UMOD: variants seen among roughly 807,000 people sequenced by gnomAD.
The protein encoded by UMOD is uromodulin.
Under a neutral mutation model 66.0 loss-of-function variants are expected in UMOD, and 64 were observed. That is an observed-to-expected ratio of 0.97 (90% CI 0.79 to 1.19). The LOEUF (loss-of-function observed/expected upper bound fraction) is 1.19. Ranked by LOEUF, UMOD falls within the 50% of genes most tolerant of loss-of-function variation. The probability of loss-of-function intolerance (pLI) is 0.00; values close to 1 mark genes in which losing one functional copy is unlikely to be tolerated. For synonymous variants in UMOD, 398 were observed against 352.7 expected (o/e 1.13, Z -1.44); for missense variants, 764 against 850.9 (o/e 0.90, Z 1.27).
intron 9 of UMOD, among the ~76,000 whole-genome samples, 173 bp downstream of exon 9, chr16:20,336,473 G>A (rs138076215): frequency 6.6e-6 from 1 of 152,340 alleles, no homozygotes; most frequent in Non-Finnish European, 1.5e-5. Flanking sequence ...ATGGGTGTAT[G>A]AATGGGAATA....
chr16:20,340,280 G>C (rs1176704939), intron 7 of UMOD, among the ~76,000 whole-genome samples: 1 of 152,020 alleles, frequency 6.6e-6, no homozygotes, highest in Non-Finnish European at 1.5e-5. Context: ...GCTAAAGCTG[G>C]AGGATCGCTT....
intron 6 of UMOD, chr16:20,342,573 A>C (rs1965291872): frequency 6.6e-6 from 1 of 152,036 alleles, no homozygotes; most frequent in African/African-American, 2.4e-5. Context: ...GAGAGCAGAA[A>C]ACCATGGGCA....
chr16:20,351,203 T>C (rs1452474151), intron 1 of UMOD: 1 of 249,640 alleles, frequency 4.0e-6, no homozygotes, highest in Non-Finnish European at 7.9e-6. Context: ...GGATCACTTA[T>C]TCATTCAACA....
At chr16:20,335,329 C>T (rs1459956458) in intron 10 of UMOD, among the ~76,000 whole-genome samples, 153 bp downstream of exon 10, 1 of 152,132 alleles carries the variant, frequency 6.6e-6, no homozygotes, top group African/African-American at 2.4e-5. Context: ...TCAGTAGGAC[C>T]ACTCAGGTTC....
In UMOD at chr16:20,348,928, T is replaced by C. The variant is rs1362301926; in HGVS notation, c.373A>G (p.Thr125Ala). The C allele has an allele frequency of 6.4e-7, 1 of 1,569,698 alleles. No individual in the cohort carries two copies. The highest frequency in any genetic ancestry group is 1.2e-5 in the South Asian group (1 of 85,740). ...PGLSHCHALA[T>A]CVNVVGSYLC... ...TAGCTGCCCACCACATTGACACATG[T>C]GGCCAGGGCGTGGCAGTGGCTAAGC... is the stretch of plus-strand genomic sequence containing the variant. Residue 125 changes from threonine to alanine, a missense_variant, in exon 3 of 11, where the codon ACA becomes GCA. Physicochemically the swap from Thr to Ala is moderately conservative, Grantham distance 58. Transcript: ENST00000396138.
chr16:20,351,439 A>G (rs1184011997), intron 1 of UMOD: 1 of 159,432 alleles, frequency 6.3e-6, no homozygotes, highest in Non-Finnish European at 1.4e-5. Flanking sequence ...TGCCAGTATT[A>G]CCCCAGTGTT....
chr16:20,348,825 A>C lies in UMOD; in HGVS notation c.476T>G (p.Leu159Trp). ...ECSPGSCGPG[L>W]DCVPEGDALV... Reference sequence around the variant, plus strand: ...CGCGTCGCCCTCGGGCACGCAGTCCAACCCCGGCCCGCAGGAGCCCGGGGA... The same window carrying C: ...CGCGTCGCCCTCGGGCACGCAGTCCCACCCCGGCCCGCAGGAGCCCGGGGA... Residue 159 changes from leucine (L) to tryptophan (W), a missense_variant, in exon 3 of 11, where the codon TTG (leucine) becomes TGG (tryptophan). Coordinates refer to ENST00000396138, the MANE Select transcript of UMOD (RefSeq NM_003361.4). The C allele has an allele frequency of 6.5e-7, 1 of 1,546,638 alleles. No individual in the cohort carries two copies. The highest frequency in any genetic ancestry group is 8.7e-7 in the Non-Finnish European group (1 of 1,146,886).
At position 20,336,657 on chromosome 16, in the gene UMOD, AT is replaced by A; in HGVS notation, c.1810del (p.Ile604SerfsTer20). The A allele has an allele frequency of 6.2e-7, 1 of 1,614,004 alleles. No individual in the cohort carries two copies. Among genetic ancestry groups the A allele is most frequent in the Non-Finnish European group, 8.5e-7 (1 of 1,179,928 alleles). ...DQSRVLNLGP[I>X]TRKGVQATVS... ...AGTGGCTCTCTTACCTTTCCGTGTG[AT>A]GGGACCCAAGTTCAGGACACGGGAT... is the stretch of plus-strand genomic sequence containing the variant. On this transcript the variant is annotated frameshift_variant, in exon 9 of 11. Transcript: ENST00000396138. LOFTEE classifies it high-confidence loss of function.
At chr16:20,349,338 A>C in intron 2 of UMOD, 126 bp from the exon 3 acceptor site, 1 of 1,091,858 alleles carries the variant, frequency 9.2e-7, no homozygotes, top group Admixed American at 2.0e-5. Flanking sequence ...CTCCCTCCAA[A>C]ACAAGGAAAG....
At chr16:20,343,151 A>ATAAATAATTAAT in intron 6 of UMOD, among the ~76,000 whole-genome samples, 1 of 151,334 alleles carries the variant, frequency 6.6e-6, no homozygotes, top group Admixed American at 6.6e-5. Context: ...AAATAAATAA[A>ATAAATAATTAAT]TAAATAATCA....
At chr16:20,345,400 T>TTTCTTTCTTTCTTTCTTTCTTTC (rs1555486827) in intron 5 of UMOD, among the ~76,000 whole-genome samples, 1 of 77,956 alleles carries the variant, frequency 1.3e-5, no homozygotes, top group African/African-American at 4.3e-5. Flanking sequence ...TTTTCTTTTT[T>TTTCTTTCTTTCTTTCTTTCTTTC]TTTCTTTCTT....
intron 2 of UMOD, among the ~76,000 whole-genome samples, chr16:20,349,517 G>C (rs1391554645): frequency 9.9e-5 from 15 of 152,096 alleles, no homozygotes. Flanking sequence ...TCCAATTCCT[G>C]GGTTCAAGCG....
intron 2 of UMOD, 101 bp from the exon 3 acceptor site, chr16:20,349,313 T>C (rs544753655): frequency 7.3e-7 from 1 of 1,364,992 alleles, no homozygotes; most frequent in African/African-American, 1.4e-5. Context: ...TTTTTAAGAC[T>C]TATTCCCTAG....
chr16:20,333,060 A>G lies in UMOD; in HGVS notation c.*254T>C. ...GGATGACTTCAAAGACTGAGATTTA[A>G]AAATCATTATTTTGCCACACTCTTT... On this transcript the variant is annotated 3_prime_UTR_variant, in exon 11 of 11. Transcript: ENST00000396138. The G allele has an allele frequency of 2.1e-6, 1 of 487,362 alleles. No homozygotes were observed. Among genetic ancestry groups the G allele is most frequent in the Non-Finnish European group, 3.8e-6 (1 of 263,166 alleles). 30.2% of individuals were successfully genotyped at this position (487,362 alleles called of 1,614,324 possible).
chr16:20,337,279 G>C lies in UMOD; in HGVS notation c.1740+12C>G. The C allele has an allele frequency of 6.2e-7, 1 of 1,614,072 alleles. No individual in the cohort carries two copies. The highest frequency in any genetic ancestry group is 8.5e-7 in the Non-Finnish European group (1 of 1,179,988). ...TTACAAGAGATGGGCTGGGGGAGGGGAGTCAACTCACAGGCTTGCACTTTT... is the reference window on the plus strand; with the variant it reads ...TTACAAGAGATGGGCTGGGGGAGGGCAGTCAACTCACAGGCTTGCACTTTT... On this transcript the variant is annotated intron_variant, in intron 8 of 10. Transcript: ENST00000396138.
chr16:20,333,858 C>T (rs1414915412), intron 10 of UMOD, among the ~76,000 whole-genome samples: 1 of 152,050 alleles, frequency 6.6e-6, no homozygotes, highest in Admixed American at 6.5e-5. Flanking sequence ...CACGGAGAAA[C>T]CCCATCTCTA....
rs549394253 is a variant in UMOD, at chr16:20,339,572, G to A, written c.1577+1519C>T. Among the ~76,000 whole-genome samples, 32 of 152,322 alleles carry A rather than the reference G, an allele frequency of 2.1e-4. 1 individual carries two copies. The South Asian group carries it at 6.2e-3, about 30-fold the overall frequency. On this transcript the variant is annotated intron_variant, in intron 7 of 10. Transcript: ENST00000396138. The stretch of plus-strand genomic sequence containing the variant: ...TTGCAAAGGGAGATTCCAAAGACGT[G>A]TGAACATCACATTGGCACTCACCTG...
upstream of UMOD, among the ~76,000 whole-genome samples, chr16:20,353,225 G>A (rs1290580648): frequency 6.6e-6 from 1 of 152,160 alleles, no homozygotes; most frequent in African/African-American, 2.4e-5. Context: ...AAGCAAGAGA[G>A]GAGCTGAGAA....
intron 4 of UMOD, among the ~76,000 whole-genome samples, chr16:20,346,907 AAGAAAG>A (rs912513000): frequency 8.4e-6 from 1 of 119,196 alleles, no homozygotes; most frequent in African/African-American, 2.6e-5. Flanking sequence ...GAAAGAAAGA[AAGAAAG>A]AAAAAGCAAG....
Sources: allele counts gnomAD v4.1 joint callset (sites outside exome capture counted in the v4.1 genomes callset), GRCh38; gene constraint gnomAD v4.1.1; transcripts MANE v1.5; gene names NCBI Gene and HGNC (gene_info 2026-07-23, HGNC 2026-07-21).